C18orf32: variants seen among roughly 807,000 people sequenced by gnomAD.
C18orf32 encodes the protein chromosome 18 open reading frame 32, also known as UPF0729 protein C18orf32.
A neutral mutation model predicts 7.4 loss-of-function variants in C18orf32; 5 were observed. The ratio of observed to expected loss-of-function variants is 0.68; its 90% CI spans 0.35 to 1.42. The LOEUF (loss-of-function observed/expected upper bound fraction) is 1.42. Ranked by LOEUF, C18orf32 falls within the 40% of genes most tolerant of loss-of-function variation. The pLI, the probability that C18orf32 is intolerant of heterozygous loss-of-function variation, is 0.04. For synonymous variants in C18orf32, 30 were observed against 29.3 expected (o/e 1.02, Z -0.08); for missense variants, 88 against 92.4 (o/e 0.95, Z 0.19).
intron 1 of C18orf32, 78 bp from the exon 2 acceptor site, chr18:49,483,849 G>T: frequency 1.3e-6 from 2 of 1,512,766 alleles, no homozygotes; most frequent in South Asian, 1.2e-5. Flanking sequence ...TAAGATATCT[G>T]AAAGGGGATA....
At position 49,482,304 on chromosome 18, in the gene C18orf32, G is replaced by C. The variant is rs202170683; in HGVS notation, c.*41C>G. 4.4e-6 allele frequency: 6 copies of C among 1,353,954 alleles called. No homozygotes were observed. The highest frequency in any genetic ancestry group is 6.4e-6 in the Non-Finnish European group (6 of 944,652). 83.9% of individuals were successfully genotyped at this position (1,353,954 alleles called of 1,614,324 possible). On this transcript the variant is annotated 3_prime_UTR_variant, in exon 3 of 3. Transcript: ENST00000318240. ...ACAAGGAAGATGCTTCATATTATCA[G>C]GTCCATTTTTTAAATGATGGGGTCC...
chr18:49,478,838 G>C lies in C18orf32; in HGVS notation c.*3507C>G, dbSNP rs2083638409. The C allele has an allele frequency of 7.0e-6, 1 of 143,476 alleles. No individual in the cohort carries two copies. Among genetic ancestry groups the C allele is most frequent in the Admixed American group, 6.7e-5 (1 of 14,892 alleles). 8.9% of individuals were successfully genotyped at this position (143,476 alleles called of 1,614,324 possible). A position where few individuals can be genotyped will look rare whatever the true frequency, so the allele number is the denominator to read the frequency against. On this transcript the variant is annotated 3_prime_UTR_variant, in exon 3 of 3. Coordinates refer to ENST00000318240, the MANE Select transcript of C18orf32 (RefSeq NM_001035005.4). ...ATAAGAAAAATATGAACAAAATAGT[G>C]AATTTTTCATAAAATTAACACTTTT...
At chr18:49,484,019 C>T (rs2083700629) in intron 1 of C18orf32, among the ~76,000 whole-genome samples, 1 of 151,154 alleles carries the variant, frequency 6.6e-6, no homozygotes, top group Non-Finnish European at 1.5e-5. Flanking sequence ...GTCCCAGCTA[C>T]ATAAGTGGCT....
At position 49,477,835 on chromosome 18, in the gene C18orf32, ATAT is replaced by A. The variant is rs1568492997; in HGVS notation, c.*4507_*4509del. 2.8e-5 allele frequency: 4 copies of A among 141,614 alleles called. No homozygotes were observed. Among genetic ancestry groups the A allele is most frequent in the East Asian group, 2.0e-4 (1 of 5,054 alleles). 8.8% of individuals were successfully genotyped at this position (141,614 alleles called of 1,614,324 possible). A position where few individuals can be genotyped will look rare whatever the true frequency, so the allele number is the denominator to read the frequency against. On this transcript the variant is annotated 3_prime_UTR_variant, in exon 3 of 3. Transcript: ENST00000318240. ...ATACACACACTATATATATATACAC[ATAT>A]ATATATATACACACACTATATATAT... is the stretch of plus-strand genomic sequence containing the variant.
At chr18:49,484,148 ATAT>A (rs770982654) in intron 1 of C18orf32, among the ~76,000 whole-genome samples, 6,805 of 105,914 alleles carry the variant, frequency 0.064, 471 homozygotes, top group South Asian at 0.11. Context: ...AAAAAAAAAA[ATAT>A]ATATATATAT....
rs1371549174 is a variant in C18orf32, at chr18:49,478,864, C to T, written c.*3481G>A. On this transcript the variant is annotated 3_prime_UTR_variant, in exon 3 of 3. Coordinates refer to ENST00000318240, the MANE Select transcript of C18orf32 (RefSeq NM_001035005.4). ...AATTTTTCATAAAATTAACACTTTT[C>T]ATACGCTTATTCAAACTGATGGCTA... 2 of 151,510 alleles carry T rather than the reference C, an allele frequency of 1.3e-5. No homozygotes were observed. The highest frequency in any genetic ancestry group is 4.9e-5 in the African/African-American group (2 of 40,774). The allele number at this position is 151,510 out of a possible 1,614,324, so 9.4% of individuals were successfully genotyped here.
At chr18:49,486,305 C>G (rs947856054) in intron 1 of C18orf32, 5 of 152,078 alleles carry the variant, frequency 3.3e-5, no homozygotes, top group Non-Finnish European at 7.4e-5. Flanking sequence ...GCTACCAGTA[C>G]TAGTTTAGTG....
rs1459008361 is a variant in C18orf32, at chr18:49,481,416, T to G, written c.*929A>C. The G allele has an allele frequency of 6.6e-6, 1 of 152,214 alleles. No individual in the cohort carries two copies. The highest frequency in any genetic ancestry group is 2.4e-5 in the African/African-American group (1 of 41,454). The allele number at this position is 152,214 out of a possible 1,614,324, so 9.4% of individuals were successfully genotyped here. On this transcript the variant is annotated 3_prime_UTR_variant, in exon 3 of 3. Coordinates refer to ENST00000318240, the MANE Select transcript of C18orf32 (RefSeq NM_001035005.4). ...TTCAAAGCCCAAGATAAAAATCACATAGCGGCCCAGGTCCAGACCCAGGCC... is the reference window on the plus strand; with the variant it reads ...TTCAAAGCCCAAGATAAAAATCACAGAGCGGCCCAGGTCCAGACCCAGGCC...
intron 2 of C18orf32, 96 bp downstream of exon 2, chr18:49,483,488 C>A: frequency 1.4e-6 from 2 of 1,399,254 alleles, no homozygotes; most frequent in Non-Finnish European, 1.9e-6. Context: ...ACTATTGAAG[C>A]TTCTGGTTCT....
rs2083627998 is a variant in C18orf32, at chr18:49,477,334, C to T, written c.*5011G>A. The T allele has an allele frequency of 1.3e-5, 2 of 150,246 alleles. 1 individual carries two copies. The highest frequency in any genetic ancestry group is 5.1e-5 in the African/African-American group (2 of 39,536). The allele number at this position is 150,246 out of a possible 1,614,324, so 9.3% of individuals were successfully genotyped here. A position where few individuals can be genotyped will look rare whatever the true frequency, so the allele number is the denominator to read the frequency against. ...GGAGTACAGTGGTGTGATCTTGGCT[C>T]ACTGCAACTTCCGCCTCCTGGACTT... On this transcript the variant is annotated 3_prime_UTR_variant, in exon 3 of 3. Coordinates refer to ENST00000318240, the MANE Select transcript of C18orf32 (RefSeq NM_001035005.4).
rs1376632896 is a variant in C18orf32 at position 49,479,474 on chromosome 18, A to G, written c.*2871T>C. ...AGTGCATTAACCTGTGCAGTGAGCA[A>G]TAGTATTCTCCCAGGCAGTGTCCCA... On this transcript the variant is annotated 3_prime_UTR_variant, in exon 3 of 3. Coordinates refer to ENST00000318240, the MANE Select transcript of C18orf32 (RefSeq NM_001035005.4). 1 of 152,424 alleles carries G rather than the reference A, an allele frequency of 6.6e-6. No individual in the cohort carries two copies. Among genetic ancestry groups the G allele is most frequent in the African/African-American group, 2.4e-5 (1 of 41,466 alleles). 9.4% of individuals were successfully genotyped at this position (152,424 alleles called of 1,614,324 possible).
At chr18:49,484,671 A>T (rs559591713) in intron 1 of C18orf32, 60 of 152,340 alleles carry the variant, frequency 3.9e-4, no homozygotes, top group African/African-American at 1.4e-3. Context: ...CTTAATCATG[A>T]ATTTGATTAT....
At chr18:49,484,157 T>C (rs1244358862) in intron 1 of C18orf32, among the ~76,000 whole-genome samples, 61 of 36,596 alleles carry the variant, frequency 1.7e-3, no homozygotes, top group East Asian at 0.016. Context: ...AATATATATA[T>C]ATATATATAT....
chr18:49,479,879 T>A lies in C18orf32; in HGVS notation c.*2466A>T, dbSNP rs982875865. On this transcript the variant is annotated 3_prime_UTR_variant, in exon 3 of 3. Transcript: ENST00000318240. ...GGAGCAGAGACTTGGGAGGGGCAAA[T>A]GAAAGACACCTGGCACACTCATGCT... 3 of 152,400 alleles carry A rather than the reference T, an allele frequency of 2.0e-5. No individual in the cohort carries two copies. Among genetic ancestry groups the A allele is most frequent in the African/African-American group, 7.2e-5 (3 of 41,396 alleles). 9.4% of individuals were successfully genotyped at this position (152,400 alleles called of 1,614,324 possible).
In C18orf32 at chr18:49,478,045, T is replaced by C. The variant is rs1213554883; in HGVS notation, c.*4300A>G. 2 of 149,424 alleles carry C rather than the reference T, an allele frequency of 1.3e-5. No individual in the cohort carries two copies. The highest frequency in any genetic ancestry group is 2.9e-5 in the Non-Finnish European group (2 of 67,998). The allele number at this position is 149,424 out of a possible 1,614,324, so 9.3% of individuals were successfully genotyped here. A position where few individuals can be genotyped will look rare whatever the true frequency, so the allele number is the denominator to read the frequency against. On this transcript the variant is annotated 3_prime_UTR_variant, in exon 3 of 3. Transcript: ENST00000318240. ...TATTTAAACTCCATTATTCTTTTTT[T>C]CTTTTTTTAAGACAGGGTCTTGCTC...
At chr18:49,486,095 A>G (rs529226634) in intron 1 of C18orf32, 2 of 151,842 alleles carry the variant, frequency 1.3e-5, no homozygotes, top group African/African-American at 4.8e-5. Flanking sequence ...TTAAAAAAAA[A>G]AAAAAATCCA....
At position 49,487,230 on chromosome 18, in the gene C18orf32, A is replaced by C. The variant is rs2083772584; in HGVS notation, c.-211T>G. 6.5e-6 allele frequency: 1 copy of C among 153,330 alleles called. No individual in the cohort carries two copies. Among genetic ancestry groups the C allele is most frequent in the African/African-American group, 2.4e-5 (1 of 41,476 alleles). The allele number at this position is 153,330 out of a possible 1,614,324, so 9.5% of individuals were successfully genotyped here. On this transcript the variant is annotated 5_prime_UTR_variant, in exon 1 of 3. Coordinates refer to ENST00000318240, the MANE Select transcript of C18orf32 (RefSeq NM_001035005.4). ...ACCCGCGACCGCGGAAACGCAGCTGACAATGTCCGCACTTCCGGAGGGAGG... is the reference window on the plus strand; with the variant it reads ...ACCCGCGACCGCGGAAACGCAGCTGCCAATGTCCGCACTTCCGGAGGGAGG...
chr18:49,483,388 C>G (rs1476130440), intron 2 of C18orf32, among the ~76,000 whole-genome samples, 196 bp downstream of exon 2: 1 of 152,146 alleles, frequency 6.6e-6, no homozygotes, highest in Non-Finnish European at 1.5e-5. Flanking sequence ...ACTTACCAGT[C>G]AGAAAATATG....
Position 49,479,270 on chromosome 18 carries a change from G to T in C18orf32, c.*3075C>A, listed in dbSNP as rs950461719. 2 of 152,216 alleles carry T rather than the reference G, an allele frequency of 1.3e-5. No individual in the cohort carries two copies. Among genetic ancestry groups the T allele is most frequent in the Non-Finnish European group, 2.9e-5 (2 of 68,062 alleles). The allele number at this position is 152,216 out of a possible 1,614,324, so 9.4% of individuals were successfully genotyped here. On this transcript the variant is annotated 3_prime_UTR_variant, in exon 3 of 3. Transcript: ENST00000318240. ...AAAAAATGAGGGATAAACCAAGAAG[G>T]AAGAGGATAGGAAATCCAGAAACAA...
Sources: gnomAD v4.1 joint callset for allele counts (sites outside exome capture counted in the v4.1 genomes callset) on GRCh38, gnomAD v4.1.1 for gene constraint, MANE v1.5 for transcripts, NCBI Gene and HGNC (gene_info 2026-07-23, HGNC 2026-07-21) for gene names.